The following APBA2 variants were observed in gnomAD, a reference collection of about 807,000 sequenced individuals.
The protein encoded by APBA2 is amyloid-beta A4 precursor protein-binding family A member 2.
In APBA2, 30 loss-of-function variants were observed where a neutral mutation model predicts 75.0. The observed-to-expected ratio is 0.40, with a 90% CI of 0.30 to 0.54. The LOEUF (loss-of-function observed/expected upper bound fraction) is 0.54, where lower values mean the gene tolerates loss of function less well. Ranked by LOEUF, APBA2 falls within the 20% of genes least tolerant of loss-of-function variation. The probability of loss-of-function intolerance (pLI) is 0.49; values close to 1 mark genes in which losing one functional copy is unlikely to be tolerated. For synonymous variants in APBA2, 444 were observed against 409.6 expected (o/e 1.08, Z -1.01); for missense variants, 801 against 1,016.1 (o/e 0.79, Z 2.88).
chr15:29,027,949 T>A (rs1387951016), intron 3 of APBA2, among the ~76,000 whole-genome samples: 1 of 152,054 alleles, frequency 6.6e-6, no homozygotes, highest in Non-Finnish European at 1.5e-5. Context: ...TCACTTTTAT[T>A]TCTTAGACTT....
intron 3 of APBA2, among the ~76,000 whole-genome samples, chr15:29,018,133 T>A (rs2039771144): frequency 6.6e-6 from 1 of 152,112 alleles, no homozygotes; most frequent in African/African-American, 2.4e-5. Context: ...TGGATGAAGA[T>A]CTGTTAGATT....
chr15:28,981,936 A>G (rs1459294349), intron 2 of APBA2, among the ~76,000 whole-genome samples: 1 of 152,214 alleles, frequency 6.6e-6, no homozygotes, highest in Non-Finnish European at 1.5e-5. Context: ...GTTCTCACTT[A>G]TAAGTGGGAG....
chr15:28,965,330 C>T (rs1226661564), intron 2 of APBA2, among the ~76,000 whole-genome samples: 1 of 152,142 alleles, frequency 6.6e-6, no homozygotes, highest in Non-Finnish European at 1.5e-5. Flanking sequence ...TCCATTTGAT[C>T]TCTGTGTCTC....
chr15:29,064,732 A>C (rs544651065), intron 4 of APBA2, among the ~76,000 whole-genome samples: 13 of 152,020 alleles, frequency 8.6e-5, no homozygotes, highest in Non-Finnish European at 1.5e-4. Flanking sequence ...AGAGAGACAG[A>C]GGGTTCCACT....
intron 13 of APBA2, among the ~76,000 whole-genome samples, chr15:29,109,377 T>C (rs73370295): frequency 0.062 from 9,441 of 152,182 alleles, 987 homozygotes; most frequent in African/African-American, 0.22. Context: ...AAAAAGAGTC[T>C]GCAAATCTCC....
At chr15:29,111,571 G>C (rs1439068727) in intron 13 of APBA2, among the ~76,000 whole-genome samples, 5 of 152,170 alleles carry the variant, frequency 3.3e-5, no homozygotes, top group African/African-American at 1.2e-4. Context: ...ATCTCTGAGT[G>C]GCTCGGCTGC....
At chr15:28,915,106 C>T (rs2033611859) in intron 1 of APBA2, among the ~76,000 whole-genome samples, 2 of 72,104 alleles carry the variant, frequency 2.8e-5, no homozygotes, top group African/African-American at 5.2e-5. Context: ...ACCATACCCA[C>T]CTCACACACA....
At chr15:28,938,062 C>T (rs1170019147) in intron 2 of APBA2, among the ~76,000 whole-genome samples, 7 of 152,192 alleles carry the variant, frequency 4.6e-5, no homozygotes, top group African/African-American at 1.7e-4. Flanking sequence ...CCCCAACCCC[C>T]CACCTGATAA....
intron 2 of APBA2, among the ~76,000 whole-genome samples, chr15:28,941,098 T>G (rs2035195132): frequency 6.6e-6 from 1 of 152,198 alleles, no homozygotes; most frequent in Admixed American, 6.5e-5. Context: ...GGGAACCAAT[T>G]ATATATTTTT....
At chr15:28,945,383 T>C (rs1050707938) in intron 2 of APBA2, among the ~76,000 whole-genome samples, 9 of 152,268 alleles carry the variant, frequency 5.9e-5, no homozygotes, top group African/African-American at 2.2e-4. Flanking sequence ...GGTGATGTCG[T>C]TGGGATGGTT....
intron 4 of APBA2, among the ~76,000 whole-genome samples, chr15:29,072,809 G>A (rs1295846426): frequency 1.3e-5 from 2 of 152,146 alleles, no homozygotes; most frequent in African/African-American, 4.8e-5. Context: ...AGGGGTAGGG[G>A]CAGCAGGACT....
intron 4 of APBA2, among the ~76,000 whole-genome samples, chr15:29,073,284 G>C (rs934099509): frequency 1.3e-5 from 2 of 152,238 alleles, no homozygotes; most frequent in African/African-American, 4.8e-5. Context: ...CTGTCAAGCA[G>C]GGGGAAGAAT....
chr15:29,045,069 T>TTCTCTCTCTC (rs1555399868), intron 3 of APBA2, among the ~76,000 whole-genome samples: 38 of 82,888 alleles, frequency 4.6e-4, no homozygotes, highest in East Asian at 4.0e-3. Context: ...CCCTCCCTCC[T>TTCTCTCTCTC]TCTCTCTCTC....
rs79079652 is a variant in APBA2 at position 28,973,316 on chromosome 15, A to G, written c.-94-22437A>G. 5.1e-4 allele frequency among the ~76,000 whole-genome samples: 78 copies of G among 152,340 alleles called. 1 individual carries two copies. In the East Asian group the frequency reaches 0.013, roughly 26 times the overall value. On this transcript the variant is annotated intron_variant, in intron 2 of 14. Coordinates refer to ENST00000683413, the MANE Select transcript of APBA2 (RefSeq NM_001353788.2). ...AAGAGCACAGATGATGAGATTGGATATTTTTGTTTGATTGGTGCAACTTGT... is the reference window on the plus strand; with the variant it reads ...AAGAGCACAGATGATGAGATTGGATGTTTTTGTTTGATTGGTGCAACTTGT...
intron 3 of APBA2, among the ~76,000 whole-genome samples, chr15:29,024,170 C>G (rs2040101091): frequency 6.6e-6 from 1 of 152,148 alleles, no homozygotes; most frequent in South Asian, 2.1e-4. Flanking sequence ...TCCCAAAGTG[C>G]TAGAATTATA....
In APBA2 at chr15:28,970,562, A is replaced by G. The variant is rs558848214; in HGVS notation, c.-94-25191A>G. ...ATTTGTTATTATTCTTCCTATTACT[A>G]TTTTTAAGGGACAATTTTGGAAACA... is the stretch of plus-strand genomic sequence containing the variant. On this transcript the variant is annotated intron_variant, in intron 2 of 14. Coordinates refer to ENST00000683413, the MANE Select transcript of APBA2 (RefSeq NM_001353788.2). The G allele has an allele frequency of 3.3e-5, 5 of 150,402 alleles. No homozygotes were observed. The East Asian group carries it at 7.8e-4, about 23-fold the overall frequency. The allele number at this position is 150,402 out of a possible 1,614,324, so 9.3% of individuals were successfully genotyped here. A position where few individuals can be genotyped will look rare whatever the true frequency, so the allele number is the denominator to read the frequency against.
chr15:29,107,676 C>A (rs957682392), intron 12 of APBA2, among the ~76,000 whole-genome samples: 11 of 152,198 alleles, frequency 7.2e-5, no homozygotes, highest in African/African-American at 2.4e-4. Context: ...CAGTTGAGGC[C>A]CCCCCTCCCA....
chr15:28,972,641 T>C (rs1445186865), intron 2 of APBA2, among the ~76,000 whole-genome samples: 1 of 152,198 alleles, frequency 6.6e-6, no homozygotes, highest in Non-Finnish European at 1.5e-5. Context: ...GTTCTTTAAG[T>C]GATTCAGAAA....
chr15:28,951,408 A>G (rs917986332), intron 2 of APBA2, among the ~76,000 whole-genome samples: 10 of 152,080 alleles, frequency 6.6e-5, no homozygotes, highest in African/African-American at 2.4e-4. Context: ...GGACTCAGCT[A>G]TTTCTGCAAG....
Sources: gnomAD v4.1 joint callset for allele counts (sites outside exome capture counted in the v4.1 genomes callset) on GRCh38, gnomAD v4.1.1 for gene constraint, MANE v1.5 for transcripts, NCBI Gene and HGNC (gene_info 2026-07-23, HGNC 2026-07-21) for gene names.